The following ZNF789 variants were observed in gnomAD, a reference collection of about 807,000 sequenced individuals.
The protein encoded by ZNF789 is zinc finger protein 789.
In ZNF789, 11 loss-of-function variants were observed where a neutral mutation model predicts 15.6. That is an observed-to-expected ratio of 0.70 (90% CI 0.44 to 1.16). The LOEUF (loss-of-function observed/expected upper bound fraction) is 1.16, where lower values mean the gene tolerates loss of function less well. Ranked by LOEUF, ZNF789 falls within the 50% of genes most tolerant of loss-of-function variation. ZNF789 has a pLI of 0.00. For missense variants in ZNF789, 461 were observed against 512.6 expected, an observed-to-expected ratio of 0.90 and a Z score of 0.97; for synonymous variants, 159 against 176.0, an observed-to-expected ratio of 0.90 and a Z score of 0.76.
At chr7:99,474,617 C>T (rs1256313105) in intron 1 of ZNF789, among the ~76,000 whole-genome samples, 1 of 150,786 alleles carries the variant, frequency 6.6e-6, no homozygotes, top group Non-Finnish European at 1.5e-5. Context: ...AGAAAGTTTA[C>T]GAATTTGTGT....
At chr7:99,476,063 A>T (rs1476980451) in intron 1 of ZNF789, among the ~76,000 whole-genome samples, 1 of 152,012 alleles carries the variant, frequency 6.6e-6, no homozygotes, top group Non-Finnish European at 1.5e-5. Context: ...TCAGCCTCCC[A>T]AAGTGCTGGG....
At position 99,487,505 on chromosome 7, in the gene ZNF789, G is replaced by C. The variant is rs759229660; in HGVS notation, c.*17G>C. ...TCCACATGATGTTAATTGGAAAGCA[G>C]TCATTGGAGAACTAGAACTTATAAA... On this transcript the variant is annotated 3_prime_UTR_variant, in exon 5 of 5. Transcript: ENST00000331410. The C allele has an allele frequency of 1.6e-5, 26 of 1,596,260 alleles. No homozygotes were observed. The highest frequency in any genetic ancestry group is 2.2e-5 in the Non-Finnish European group (26 of 1,170,948).
chr7:99,474,074 C>G (rs1051973422), intron 1 of ZNF789, among the ~76,000 whole-genome samples: 1 of 152,146 alleles, frequency 6.6e-6, no homozygotes, highest in African/African-American at 2.4e-5. Context: ...GGCCTAGGGC[C>G]GTACCCAAAA....
intron 3 of ZNF789, among the ~76,000 whole-genome samples, chr7:99,482,958 C>T (rs561933160): frequency 3.3e-5 from 5 of 151,266 alleles, no homozygotes; most frequent in East Asian, 4.0e-4. Context: ...GGGCTGGGCA[C>T]GGTGGCTCAC....
chr7:99,475,940 G>C (rs1196877724), intron 1 of ZNF789, among the ~76,000 whole-genome samples: 1 of 151,980 alleles, frequency 6.6e-6, no homozygotes, highest in Admixed American at 6.6e-5. Context: ...AAGTAGCTGG[G>C]AGTACAGGTG....
chr7:99,475,471 G>A (rs561748201), intron 1 of ZNF789, among the ~76,000 whole-genome samples: 1 of 152,308 alleles, frequency 6.6e-6, no homozygotes, highest in Admixed American at 6.5e-5. Flanking sequence ...TAGAGGTGAG[G>A]GTTGAGTGAC....
At chr7:99,481,414 C>T (rs938583533) in intron 3 of ZNF789, 1 of 152,102 alleles carries the variant, frequency 6.6e-6, no homozygotes, top group African/African-American at 2.4e-5. Context: ...GATTCTTCAA[C>T]AAACTTTGTA....
intron 4 of ZNF789, chr7:99,485,190 T>TA (rs1271279364): frequency 1.2e-5 from 19 of 1,535,738 alleles, no homozygotes; most frequent in Non-Finnish European, 1.7e-5. Context: ...TTTTTCTACT[T>TA]ACTGTGTCCC....
At chr7:99,479,926 C>A in intron 3 of ZNF789, 139 bp downstream of exon 3, 1 of 1,174,630 alleles carries the variant, frequency 8.5e-7, no homozygotes, top group Non-Finnish European at 1.2e-6. Context: ...GGCTACAAGC[C>A]CTGACCAGAC....
intron 1 of ZNF789, among the ~76,000 whole-genome samples, chr7:99,475,283 A>G (rs977268737): frequency 2.6e-5 from 4 of 151,700 alleles, no homozygotes; most frequent in Non-Finnish European, 4.4e-5. Flanking sequence ...AATCCCAGCT[A>G]CTTCCGGAGG....
At chr7:99,482,027 G>A (rs1011425279) in intron 3 of ZNF789, 1 of 643,350 alleles carries the variant, frequency 1.6e-6, no homozygotes, top group Non-Finnish European at 2.8e-6. Context: ...TTCTTTTTTG[G>A]ATTTTGGAAT....
intron 2 of ZNF789, 66 bp downstream of exon 2, chr7:99,476,546 C>A: frequency 6.3e-7 from 1 of 1,591,212 alleles, no homozygotes. Context: ...CTTCCTCAGA[C>A]TGAGCCCTCT....
intron 2 of ZNF789, among the ~76,000 whole-genome samples, chr7:99,478,029 C>G (rs1422479835): frequency 6.6e-6 from 1 of 152,146 alleles, no homozygotes; most frequent in Non-Finnish European, 1.5e-5. Flanking sequence ...TGTCAATGTA[C>G]AAGTCCTAGC....
intron 1 of ZNF789, among the ~76,000 whole-genome samples, chr7:99,475,768 T>C (rs1799295774): frequency 6.6e-6 from 1 of 151,926 alleles, no homozygotes; most frequent in Non-Finnish European, 1.5e-5. Context: ...CCAGAGCTGG[T>C]TGCTGCAGGG....
At chr7:99,474,485 T>G (rs1799201038) in intron 1 of ZNF789, among the ~76,000 whole-genome samples, 3 of 151,436 alleles carry the variant, frequency 2.0e-5, no homozygotes, top group Admixed American at 2.0e-4. Context: ...TCCCAGCTAC[T>G]CGGGAAGCTG....
At position 99,486,549 on chromosome 7, in the gene ZNF789, G is replaced by A. The variant is rs200776345; in HGVS notation, c.339G>A (p.Lys113=). 24 of 1,614,012 alleles carry A rather than the reference G, an allele frequency of 1.5e-5. No homozygotes were observed. The African/African-American group carries it at 2.8e-4, about 19-fold the overall frequency. The change falls in exon 5 of 5, where the codon AAG becomes AAA. Residue 113 remains lysine, a synonymous_variant. Coordinates refer to ENST00000331410, the MANE Select transcript of ZNF789 (RefSeq NM_213603.3). ...QKFSEDLESY[K]ISVVMQESAE... Reference sequence around the variant, plus strand: ...TTTCTGAAGATTTAGAGTCATATAAGATATCAGTGGTAATGCAGGAATCAG... The same window carrying A: ...TTTCTGAAGATTTAGAGTCATATAAAATATCAGTGGTAATGCAGGAATCAG...
At chr7:99,481,097 C>T (rs1006578922) in intron 3 of ZNF789, 1 of 152,226 alleles carries the variant, frequency 6.6e-6, no homozygotes, top group African/African-American at 2.4e-5. Context: ...TGAGCATATT[C>T]TATGTGCAAT....
Position 99,486,537 on chromosome 7 carries a change from A to G in ZNF789, c.327A>G (p.Leu109=), listed in dbSNP as rs779521866. 2.7e-5 allele frequency: 43 copies of G among 1,613,994 alleles called. No individual in the cohort carries two copies. In the African/African-American group the frequency reaches 5.1e-4, roughly 19 times the overall value. Residue 109 remains leucine, a synonymous_variant, in exon 5 of 5, where the codon TTA becomes TTG. Coordinates refer to ENST00000331410, the MANE Select transcript of ZNF789 (RefSeq NM_213603.3). Reference sequence around the variant, plus strand: ...CAAAACAGAAATTTTCTGAAGATTTAGAGTCATATAAGATATCAGTGGTAA... The same window carrying G: ...CAAAACAGAAATTTTCTGAAGATTTGGAGTCATATAAGATATCAGTGGTAA... ...LTPKQKFSED[L]ESYKISVVMQ... is the part of the protein sequence containing the mutation.
At chr7:99,479,521 G>T (rs932504873) in intron 2 of ZNF789, 140 bp from the exon 3 acceptor site, 10 of 1,034,246 alleles carry the variant, frequency 9.7e-6, no homozygotes, top group Non-Finnish European at 1.3e-5. Flanking sequence ...CCTGAAAGGA[G>T]CCCTGAATAT....
Sources: allele counts gnomAD v4.1 joint callset (sites outside exome capture counted in the v4.1 genomes callset), GRCh38; gene constraint gnomAD v4.1.1; transcripts MANE v1.5; gene names NCBI Gene and HGNC (gene_info 2026-07-23, HGNC 2026-07-21).